Variants in TENT5B observed in about 807,000 individuals in gnomAD.
TENT5B encodes terminal nucleotidyltransferase 5B, also known as family with sequence similarity 46 member B.
Under a neutral mutation model 21.7 loss-of-function variants are expected in TENT5B, and 12 were observed. The ratio of observed to expected loss-of-function variants is 0.55; its 90% confidence interval spans 0.36 to 0.90. The LOEUF (loss-of-function observed/expected upper bound fraction) is 0.90. Among genes scored for constraint, TENT5B ranks in the 40% least tolerant of loss-of-function variants. The pLI, the probability that TENT5B is intolerant of heterozygous loss-of-function variation, is 0.01. For missense variants in TENT5B, 540 were observed against 601.5 expected (o/e 0.90, Z 1.07); for synonymous variants, 262 against 266.6 (o/e 0.98, Z 0.17).
intron 1 of TENT5B, among the ~76,000 whole-genome samples, chr1:27,009,518 G>C (rs1264029231): frequency 6.6e-6 from 1 of 152,214 alleles, no homozygotes; most frequent in Non-Finnish European, 1.5e-5. Context: ...AGGAAGGTGA[G>C]GGTTGGGAGA....
chr1:27,007,034 C>CGGTA, intron 1 of TENT5B, 77 bp from the exon 2 acceptor site: 1 of 1,392,624 alleles, frequency 7.2e-7, no homozygotes, highest in Non-Finnish European at 9.6e-7. Flanking sequence ...TTACTTATCA[C>CGGTA]GGTAACTTCA....
In TENT5B at chr1:27,012,588, G is replaced by T; in HGVS notation, c.83C>A (p.Thr28Lys). ...GGGGCCGCCGCCTGCCGGGGCTGCC[G>T]TGGCCACCGCCGTGGCCGCAGCCGT... ...VGTAAATAVA[T>K]AAPAGGGPDP... The change falls in exon 1 of 2, where the codon ACG (threonine) becomes AAG (lysine). Residue 28 changes from threonine to lysine, a missense_variant. Coordinates refer to ENST00000289166, the MANE Select transcript of TENT5B (RefSeq NM_052943.4). The T allele has an allele frequency of 6.5e-7, 1 of 1,535,082 alleles. No individual in the cohort carries two copies.
At chr1:27,008,879 G>C (rs1344607473) in intron 1 of TENT5B, among the ~76,000 whole-genome samples, 2 of 151,190 alleles carry the variant, frequency 1.3e-5, no homozygotes, top group Non-Finnish European at 2.9e-5. Flanking sequence ...TGGGATTACA[G>C]GCATGAGGTA....
At chr1:27,010,465 G>A (rs2082618575) in intron 1 of TENT5B, among the ~76,000 whole-genome samples, 1 of 151,248 alleles carries the variant, frequency 6.6e-6, no homozygotes, top group Non-Finnish European at 1.5e-5. Flanking sequence ...TTTAGAAGCT[G>A]CCAGCTGTGG....
At position 27,005,935 on chromosome 1, in the gene TENT5B, G is replaced by A; in HGVS notation, c.*9C>T. ...GGCCCAGTCCCTTCCCTTCTGGCCA[G>A]GGTCTGAGTCAGTTACAAGGCAGCC... On this transcript the variant is annotated 3_prime_UTR_variant, in exon 2 of 2. Coordinates refer to ENST00000289166, the MANE Select transcript of TENT5B (RefSeq NM_052943.4). The A allele has an allele frequency of 1.9e-6, 3 of 1,542,334 alleles. No individual in the cohort carries two copies. The highest frequency in any genetic ancestry group is 2.5e-5 in the South Asian group (2 of 80,240).
intron 1 of TENT5B, among the ~76,000 whole-genome samples, chr1:27,010,012 T>C (rs1213011039): frequency 6.6e-6 from 1 of 152,072 alleles, no homozygotes; most frequent in Non-Finnish European, 1.5e-5. Flanking sequence ...CCACAACCAC[T>C]CTGCTCCAGG....
Position 27,012,336 on chromosome 1 carries a change from C to G in TENT5B, c.264+71G>C. ...CTAGCTGTCTAGAAAGTCAAACAGA[C>G]TACAAATGCCTTCCAGCCACGAGAG... On this transcript the variant is annotated intron_variant, in intron 1 of 1. Coordinates refer to ENST00000289166, the MANE Select transcript of TENT5B (RefSeq NM_052943.4). 5 of 1,552,748 alleles carry G rather than the reference C, an allele frequency of 3.2e-6. No individual in the cohort carries two copies. In the South Asian group the frequency reaches 4.7e-5, roughly 15 times the overall value.
chr1:27,012,676 C>T lies in TENT5B; in HGVS notation c.-6G>A. On this transcript the variant is annotated 5_prime_UTR_variant, in exon 1 of 2. Transcript: ENST00000289166. ...CCGCTCTCCGACGGCATCATCCGCC[C>T]GGCCCCCGGGCCCCGACGGCAGAAA... is the stretch of plus-strand genomic sequence containing the variant. 1 of 1,458,490 alleles carries T rather than the reference C, an allele frequency of 6.9e-7. No individual in the cohort carries two copies. Among genetic ancestry groups the T allele is most frequent in the Non-Finnish European group, 8.9e-7 (1 of 1,119,550 alleles). 90.3% of individuals were successfully genotyped at this position (1,458,490 alleles called of 1,614,324 possible).
chr1:27,012,323 A>AT (rs2082627925), intron 1 of TENT5B, 84 bp downstream of exon 1: 2 of 1,539,832 alleles, frequency 1.3e-6, no homozygotes, highest in Admixed American at 2.0e-5. Flanking sequence ...AGCTGTCTAG[A>AT]AAGTCAAACA....
Position 27,005,929 on chromosome 1 carries a change from T to G in TENT5B, c.*15A>C. 6.5e-7 allele frequency: 1 copy of G among 1,536,152 alleles called. No individual in the cohort carries two copies. The highest frequency in any genetic ancestry group is 8.8e-7 in the Non-Finnish European group (1 of 1,139,276). ...CCGTGAGGCCCAGTCCCTTCCCTTC[T>G]GGCCAGGGTCTGAGTCAGTTACAAG... On this transcript the variant is annotated 3_prime_UTR_variant, in exon 2 of 2. Coordinates refer to ENST00000289166, the MANE Select transcript of TENT5B (RefSeq NM_052943.4).
chr1:27,005,966 G>A lies in TENT5B; in HGVS notation c.1256C>T (p.Pro419Leu), dbSNP rs768703580. The A allele has an allele frequency of 1.9e-6, 3 of 1,572,898 alleles. No individual in the cohort carries two copies. Among genetic ancestry groups the A allele is most frequent in the Non-Finnish European group, 2.6e-6 (3 of 1,155,890 alleles). Reference sequence around the variant, plus strand: ...GAGTCAGTTACAAGGCAGCCAGGTGGGATAGGCGTGAGCCAGGAGAGGTTG... The same window carrying A: ...GAGTCAGTTACAAGGCAGCCAGGTGAGATAGGCGTGAGCCAGGAGAGGTTG... ...PVQPLLAHAY[P>L]TWLPCN is the part of the protein sequence containing the mutation. The change falls in exon 2 of 2, where the codon CCC becomes CTC. Residue 419 changes from proline (P) to leucine (L), a missense_variant. Transcript: ENST00000289166.
intron 1 of TENT5B, among the ~76,000 whole-genome samples, chr1:27,008,535 G>C (rs2082610869): frequency 6.6e-6 from 1 of 152,214 alleles, no homozygotes; most frequent in African/African-American, 2.4e-5. Flanking sequence ...CAGGAACACA[G>C]AGGGTGGCAG....
Position 27,006,675 on chromosome 1 carries a change from CTG to C in TENT5B, c.545_546del (p.Thr182ArgfsTer31). On this transcript the variant is annotated frameshift_variant, in exon 2 of 2. Transcript: ENST00000289166. LOFTEE classifies it high-confidence loss of function. The surrounding 1 kb of genome is among the most constrained non-coding windows in gnomAD (Gnocchi z 9.4). ...GAGATGAGGCTCCAGCGGTCCGAGT[CTG>C]TGCACACTTTCACCAGCTTCTGCAC... The part of the protein sequence containing the change: ...AYVQKLVKVC[T>X]DSDRWSLISL... The C allele has an allele frequency of 6.2e-7, 1 of 1,614,196 alleles. No homozygotes were observed.
chr1:27,012,780 G>C lies in TENT5B; in HGVS notation c.-110C>G, dbSNP rs76246176. ...AGGCGGGGGGCACGAAGGCAGGGAC[G>C]GGGCGGCAACGACGGCGAGACAAAG... On this transcript the variant is annotated 5_prime_UTR_variant, in exon 1 of 2. Coordinates refer to ENST00000289166, the MANE Select transcript of TENT5B (RefSeq NM_052943.4). 9 of 1,294,168 alleles carry C rather than the reference G, an allele frequency of 7.0e-6. No homozygotes were observed. The African/African-American group carries it at 1.3e-4, about 18-fold the overall frequency. The allele number at this position is 1,294,168 out of a possible 1,614,324, so 80.2% of individuals were successfully genotyped here.
rs760338003 is a variant in TENT5B, at chr1:27,006,054, A to G, written c.1168T>C (p.Trp390Arg). ...QGPAATAALA[W>R]RPPGTDGVVP... ...ACCCCGTCAGTGCCTGGAGGGCGCC[A>G]GGCCAGGGCGGCAGTGGCAGCTGGG... is the stretch of plus-strand genomic sequence containing the variant. Residue 390 changes from tryptophan to arginine, a missense_variant, in exon 2 of 2, where the codon TGG becomes CGG. By Grantham distance (101) the Trp-to-Arg change is moderately radical. Coordinates refer to ENST00000289166, the MANE Select transcript of TENT5B (RefSeq NM_052943.4). This position sits in a 1 kb window ranked among gnomAD's most constrained non-coding sequence, Gnocchi z 9.4. The G allele has an allele frequency of 6.2e-7, 1 of 1,611,598 alleles. No individual in the cohort carries two copies. The highest frequency in any genetic ancestry group is 1.7e-5 in the Admixed American group (1 of 59,914).
Position 27,005,867 on chromosome 1 carries a change from C to A in TENT5B, c.*77G>T. The A allele has an allele frequency of 1.3e-6, 2 of 1,499,266 alleles. No homozygotes were observed. Among genetic ancestry groups the A allele is most frequent in the South Asian group, 1.4e-5 (1 of 73,932 alleles). The allele number at this position is 1,499,266 out of a possible 1,614,324, so 92.9% of individuals were successfully genotyped here. On this transcript the variant is annotated 3_prime_UTR_variant, in exon 2 of 2. Coordinates refer to ENST00000289166, the MANE Select transcript of TENT5B (RefSeq NM_052943.4). ...TCCTGGCACATTCTGCGCCTCTGGT[C>A]ATGTCCTCCACACACTCTTGGAGGC... is the stretch of plus-strand genomic sequence containing the variant.
Position 27,012,838 on chromosome 1 carries a change from G to A in TENT5B, c.-168C>T, listed in dbSNP as rs549583573. On this transcript the variant is annotated 5_prime_UTR_variant, in exon 1 of 2. Transcript: ENST00000289166. ...ACACCTCAGACGGCGACGACTAACC[G>A]ACCCTAGCGCCTGCAGCCCGCGGCC... 9.8e-5 allele frequency: 89 copies of A among 904,796 alleles called. 1 individual carries two copies. The Middle Eastern group carries it at 1.1e-3, about 11-fold the overall frequency. 56.0% of individuals were successfully genotyped at this position (904,796 alleles called of 1,614,324 possible).
rs1350250865 is a variant in TENT5B, at chr1:27,006,031, C to G, written c.1191G>C (p.Gly397=). 4 of 1,610,780 alleles carry G rather than the reference C, an allele frequency of 2.5e-6. No individual in the cohort carries two copies. The highest frequency in any genetic ancestry group is 2.2e-5 in the East Asian group (1 of 44,840). ...ALAWRPPGTD[G]VVPATVNYYV... is the part of the protein sequence containing the mutation. ...AGTAATTGACAGTGGCTGGCACAAC[C>G]CCGTCAGTGCCTGGAGGGCGCCAGG... Residue 397 remains glycine, a synonymous_variant, in exon 2 of 2, where the codon GGG becomes GGC. Transcript: ENST00000289166. The surrounding 1 kb of genome is among the most constrained non-coding windows in gnomAD (Gnocchi z 9.4).
At chr1:27,007,976 C>T (rs1047415347) in intron 1 of TENT5B, among the ~76,000 whole-genome samples, 1 of 152,082 alleles carries the variant, frequency 6.6e-6, no homozygotes, top group Non-Finnish European at 1.5e-5. Flanking sequence ...ATGCACTCAT[C>T]CTAACTCATC....
Sources: gnomAD v4.1 joint callset for allele counts (sites outside exome capture counted in the v4.1 genomes callset) on GRCh38, gnomAD v4.1.1 for gene constraint, Gnocchi (gnomAD v3.1) non-coding constraint, MANE v1.5 for transcripts, NCBI Gene and HGNC (gene_info 2026-07-23, HGNC 2026-07-21) for gene names.